Variants in ACO1 observed in about 807,000 individuals in gnomAD.
ACO1 encodes the protein cytoplasmic aconitate hydratase.
ACO1 carries 78 observed loss-of-function variants against 105.1 expected under a neutral mutation model. The observed-to-expected ratio is 0.74, with a 90% CI of 0.62 to 0.90. The LOEUF (loss-of-function observed/expected upper bound fraction) is 0.90, where lower values mean the gene tolerates loss of function less well. Ranked by LOEUF, ACO1 falls within the 40% of genes least tolerant of loss-of-function variation. ACO1 has a pLI of 0.00. For missense variants in ACO1, 965 were observed against 1,111.1 expected (o/e 0.87, Z 1.87); for synonymous variants, 364 against 397.4 (o/e 0.92, Z 1.00).
At chr9:32,436,685 G>T (rs10813815) in intron 18 of ACO1, among the ~76,000 whole-genome samples, 1 of 152,018 alleles carries the variant, frequency 6.6e-6, no homozygotes, top group African/African-American at 2.4e-5. Flanking sequence ...GGAAATACCA[G>T]GTTAAATTAA....
Position 32,433,359 on chromosome 9 carries a change from G to A in ACO1, c.1852-369G>A, listed in dbSNP as rs73477396. On this transcript the variant is annotated intron_variant, in intron 15 of 20. Transcript: ENST00000309951. ...AGCAATCCTCCCATCTCAGCCTCTC[G>A]AGTAGCTCGGACTACAGGCACATGC... 4.0e-3 allele frequency among the ~76,000 whole-genome samples: 603 copies of A among 152,030 alleles called. 2 individuals are homozygous for A. The highest frequency in any genetic ancestry group is 0.014 in the African/African-American group (580 of 41,466).
intron 18 of ACO1, among the ~76,000 whole-genome samples, chr9:32,437,396 G>T (rs1822384935): frequency 6.6e-6 from 1 of 151,884 alleles, no homozygotes; most frequent in Middle Eastern, 3.4e-3. Context: ...TTATATTTTT[G>T]TAACACAAAC....
intron 1 of ACO1, among the ~76,000 whole-genome samples, chr9:32,399,407 C>T (rs961802202): frequency 1.3e-5 from 2 of 152,142 alleles, no homozygotes; most frequent in African/African-American, 4.8e-5. Context: ...CTCAACTTGG[C>T]AAAAGGTAAA....
chr9:32,410,322 G>A (rs967556602), intron 4 of ACO1, among the ~76,000 whole-genome samples: 1 of 152,180 alleles, frequency 6.6e-6, no homozygotes, highest in Non-Finnish European at 1.5e-5. Context: ...ACTTTGGGAG[G>A]CTGAGGTGGG....
Position 32,439,404 on chromosome 9 carries a change from T to C in ACO1, c.2248-1061T>C, listed in dbSNP as rs907172724. 1.3e-5 allele frequency among the ~76,000 whole-genome samples: 2 copies of C among 152,226 alleles called. No individual in the cohort carries two copies. Among genetic ancestry groups the C allele is most frequent in the Non-Finnish European group, 2.9e-5 (2 of 68,034 alleles). On this transcript the variant is annotated intron_variant, in intron 18 of 20. Coordinates refer to ENST00000309951, the MANE Select transcript of ACO1 (RefSeq NM_002197.3). The surrounding 1 kb of genome is among the most constrained non-coding windows in gnomAD (Gnocchi z 4.0). ...CACAGGTTCCATCAGTACACCAAAA[T>C]ACAAATTTGTGAAAGTCTGTTTGAG...
intron 19 of ACO1, among the ~76,000 whole-genome samples, chr9:32,446,789 G>T (rs1460835009): frequency 1.3e-5 from 2 of 152,162 alleles, no homozygotes; most frequent in Non-Finnish European, 2.9e-5. Flanking sequence ...GGTGGTGACA[G>T]AATCTCTCAG....
intron 4 of ACO1, among the ~76,000 whole-genome samples, chr9:32,417,181 A>G (rs932669014): frequency 8.5e-5 from 13 of 152,214 alleles, no homozygotes; most frequent in Non-Finnish European, 8.8e-5. Flanking sequence ...CCCACTTGAA[A>G]AATGTGGCTA....
At position 32,453,552 on chromosome 9, in the gene ACO1, T is replaced by TGGCC. The variant is rs1308712744; in HGVS notation, c.*3442_*3445dup. ...GGGCCCTTCCACATGCCAGGGGATA[T>TGGCC]GGCCACCAGCAGTTCTGGGGAAACC... On this transcript the variant is annotated 3_prime_UTR_variant, in exon 21 of 21. Coordinates refer to ENST00000309951, the MANE Select transcript of ACO1 (RefSeq NM_002197.3). 6.6e-6 allele frequency: 1 copy of TGGCC among 152,130 alleles called. No homozygotes were observed. The highest frequency in any genetic ancestry group is 2.4e-5 in the African/African-American group (1 of 41,428). 9.4% of individuals were successfully genotyped at this position (152,130 alleles called of 1,614,324 possible).
At chr9:32,434,141 A>G (rs1822301825) in intron 16 of ACO1, among the ~76,000 whole-genome samples, 1 of 152,150 alleles carries the variant, frequency 6.6e-6, no homozygotes, top group Admixed American at 6.5e-5. Context: ...AGTGAACCTT[A>G]TACCCATAAA....
intron 14 of ACO1, 126 bp from the exon 15 acceptor site, chr9:32,431,593 C>A: frequency 1.0e-6 from 1 of 990,764 alleles, no homozygotes; most frequent in Non-Finnish European, 1.5e-6. Flanking sequence ...GATTCCGTAT[C>A]CAGTCATTCA....
Position 32,434,695 on chromosome 9 carries a change from A to T in ACO1, c.2093A>T (p.Asn698Ile), listed in dbSNP as rs886721291. 12 of 1,613,928 alleles carry T rather than the reference A, an allele frequency of 7.4e-6. No individual in the cohort carries two copies. The Admixed American group carries it at 1.7e-4, about 22-fold the overall frequency. ...AGTCCTGCTGCTCGCTACTTAACTA[A>T]CAGAGGGTAAGTATGAATGAGGCAG... ...RNSPAARYLT[N>I]RGLTPREFNS... is the part of the protein sequence containing the mutation. Residue 698 changes from asparagine to isoleucine, a missense_variant, in exon 17 of 21, where the codon AAC becomes ATC. By Grantham distance (149) the Asn-to-Ile change is moderately radical (BLOSUM62 -3). Transcript: ENST00000309951.
chr9:32,405,600 T>G lies in ACO1; in HGVS notation c.94T>G (p.Tyr32Asp). 6.2e-7 allele frequency: 1 copy of G among 1,602,428 alleles called. No homozygotes were observed. Among genetic ancestry groups the G allele is most frequent in the Non-Finnish European group, 8.5e-7 (1 of 1,170,190 alleles). Residue 32 changes from tyrosine (Y) to aspartate (D), a missense_variant, in exon 2 of 21, where the codon TAT becomes GAT. Tyr to Asp is a radical substitution (Grantham distance 160, BLOSUM62 -3). Coordinates refer to ENST00000309951, the MANE Select transcript of ACO1 (RefSeq NM_002197.3). ...TTTGAATAAATTGGAGGATTCAAGATATGGTAGGTACATGGCTGTGATAGC... is the reference window on the plus strand; with the variant it reads ...TTTGAATAAATTGGAGGATTCAAGAGATGGTAGGTACATGGCTGTGATAGC... ...FNLNKLEDSR[Y>D]GRLPFSIRVL...
rs62571752 is a variant in ACO1, at chr9:32,451,722, G to C, written c.*1611G>C. The C allele has an allele frequency of 0.07, 10,726 of 152,204 alleles. 476 individuals carry two copies. Among genetic ancestry groups the C allele is most frequent in the Non-Finnish European group, 0.11 (7,374 of 68,004 alleles). The allele number at this position is 152,204 out of a possible 1,614,324, so 9.4% of individuals were successfully genotyped here. A position where few individuals can be genotyped will look rare whatever the true frequency, so the allele number is the denominator to read the frequency against. The stretch of plus-strand genomic sequence containing the variant: ...TCAAGACAGGTTATTTAGCATCCCT[G>C]CACTTGCGGTCCTGGGGATCTTATT... On this transcript the variant is annotated 3_prime_UTR_variant, in exon 21 of 21. Transcript: ENST00000309951.
chr9:32,392,299 A>G (rs1011589754), intron 1 of ACO1, among the ~76,000 whole-genome samples: 8 of 152,198 alleles, frequency 5.3e-5, no homozygotes, highest in Non-Finnish European at 1.2e-4. Flanking sequence ...CTTACCAGCC[A>G]TGAGACCATG....
At chr9:32,407,573 C>T (rs1036629620) in intron 3 of ACO1, 144 bp downstream of exon 3, 1 of 794,460 alleles carries the variant, frequency 1.3e-6, no homozygotes, top group Non-Finnish European at 1.8e-6. Flanking sequence ...CATATCCAGA[C>T]ACTTTTGAAA....
chr9:32,409,792 A>G (rs1164901336), intron 4 of ACO1, among the ~76,000 whole-genome samples: 1 of 152,120 alleles, frequency 6.6e-6, no homozygotes, highest in East Asian at 1.9e-4. Flanking sequence ...AGGTTAGGCC[A>G]TGCATACCAG....
intron 18 of ACO1, 128 bp from the exon 19 acceptor site, chr9:32,440,337 A>G: frequency 1.1e-6 from 1 of 913,912 alleles, no homozygotes; most frequent in East Asian, 2.5e-5. Flanking sequence ...GGGAATTTGT[A>G]GACAAGATGA....
chr9:32,418,623 T>C, intron 6 of ACO1, 112 bp downstream of exon 6: 2 of 1,210,998 alleles, frequency 1.7e-6, no homozygotes, highest in South Asian at 1.6e-5. Flanking sequence ...AGAGGTATGT[T>C]TGTCAGTTTT....
At position 32,436,352 on chromosome 9, in the gene ACO1, G is replaced by T; in HGVS notation, c.2202G>T (p.Leu734Phe). The T allele has an allele frequency of 6.2e-7, 1 of 1,614,100 alleles. No individual in the cohort carries two copies. Among genetic ancestry groups the T allele is most frequent in the Non-Finnish European group, 8.5e-7 (1 of 1,179,992 alleles). Residue 734 changes from leucine to phenylalanine, a missense_variant, in exon 18 of 21, where the codon TTG (leucine) becomes TTT (phenylalanine). Transcript: ENST00000309951. ...ACATTCGCTTGTTAAACAGATTTTT[G>T]AACAAGCAGGCACCACAGACTATCC... The part of the protein sequence containing the change: ...FANIRLLNRF[L>F]NKQAPQTIHL...
Sources: allele counts gnomAD v4.1 joint callset (sites outside exome capture counted in the v4.1 genomes callset), GRCh38; gene constraint gnomAD v4.1.1; non-coding constraint Gnocchi (gnomAD v3.1); transcripts MANE v1.5; gene names NCBI Gene and HGNC (gene_info 2026-07-23, HGNC 2026-07-21).